The following VPS53 variants were observed in gnomAD, a reference collection of about 807,000 sequenced individuals.
VPS53 encodes vacuolar protein sorting-associated protein 53 homolog.
Under a neutral mutation model 107.0 loss-of-function variants are expected in VPS53, and 70 were observed. That is an observed-to-expected ratio of 0.65 (90% CI 0.54 to 0.80). The LOEUF (loss-of-function observed/expected upper bound fraction) is 0.80, where lower values mean the gene tolerates loss of function less well. Ranked by LOEUF, VPS53 falls within the 30% of genes least tolerant of loss-of-function variation. The pLI is 0.00. For synonymous variants in VPS53, 409 were observed against 393.3 expected (o/e 1.04, Z -0.47); for missense variants, 917 against 1,049.4 (o/e 0.87, Z 1.74).
Position 586,423 on chromosome 17 carries a change from A to T in VPS53, c.1219-59T>A, listed in dbSNP as rs1313686103. 5 of 1,526,320 alleles carry T rather than the reference A, an allele frequency of 3.3e-6. No homozygotes were observed. In the Admixed American group the frequency reaches 8.7e-5, roughly 26 times the overall value. The allele number at this position is 1,526,320 out of a possible 1,614,324, so 94.5% of individuals were successfully genotyped here. The stretch of plus-strand genomic sequence containing the variant: ...GAGTGATCTTTGCAAATGTTCAAGA[A>T]TTTTTTTAAAAACATCATTTCAAAG... On this transcript the variant is annotated intron_variant, in intron 12 of 21. Transcript: ENST00000437048.
In VPS53 at chr17:653,785, T is replaced by A. The variant is rs1005953714; in HGVS notation, c.489-375A>T. On this transcript the variant is annotated intron_variant, in intron 6 of 21. Coordinates refer to ENST00000437048, the MANE Select transcript of VPS53 (RefSeq NM_001128159.3). ...AATTTAGAATTTGGGTTGGATATTATGGGATTAGCAAGCTTGGGACAGAGA... is the reference window on the plus strand; with the variant it reads ...AATTTAGAATTTGGGTTGGATATTAAGGGATTAGCAAGCTTGGGACAGAGA... 5.3e-5 allele frequency among the ~76,000 whole-genome samples: 8 copies of A among 152,166 alleles called. No individual in the cohort carries two copies. In the East Asian group the frequency reaches 1.5e-3, roughly 29 times the overall value.
chr17:694,693 TTTTG>T (rs780565333), intron 4 of VPS53, among the ~76,000 whole-genome samples: 22 of 152,360 alleles, frequency 1.4e-4, no homozygotes, highest in Admixed American at 6.5e-4. Flanking sequence ...GATAAAATGT[TTTTG>T]TTTATTTATA....
chr17:628,148 GA>G lies in VPS53; in HGVS notation c.770del (p.Ile257ThrfsTer35). On this transcript the variant is annotated frameshift_variant, in exon 9 of 22. Transcript: ENST00000437048. LOFTEE classifies it high-confidence loss of function. ...ACAGATGCTGTTTAATAAACTTTTTGATGATTTCCTGTTTGATCCTGGGATC... is the reference window on the plus strand; with the variant it reads ...ACAGATGCTGTTTAATAAACTTTTTGTGATTTCCTGTTTGATCCTGGGATC... ...ILDPRIKQEIIKKFIKQHLSE... is the reference protein window; with the variant it reads ...ILDPRIKQEIXKKFIKQHLSE... 6.2e-7 allele frequency: 1 copy of G among 1,613,884 alleles called. No individual in the cohort carries two copies. The highest frequency in any genetic ancestry group is 8.5e-7 in the Non-Finnish European group (1 of 1,179,934).
chr17:602,038 A>G, intron 11 of VPS53, 142 bp from the exon 12 acceptor site: 1 of 500,650 alleles, frequency 2.0e-6, no homozygotes, highest in Non-Finnish European at 3.3e-6. Flanking sequence ...CCCAGACCAC[A>G]TTCTTGCCTC....
chr17:530,884 GC>G (rs1285205950), intron 19 of VPS53, among the ~76,000 whole-genome samples: 16 of 152,184 alleles, frequency 1.1e-4, no homozygotes, highest in Non-Finnish European at 4.4e-5. Context: ...AGAACAAAGA[GC>G]AGAAAAATGT....
chr17:691,383 C>T lies in VPS53; in HGVS notation c.285+6035G>A, dbSNP rs137928903. Among the ~76,000 whole-genome samples, 197 of 152,324 alleles carry T rather than the reference C, an allele frequency of 1.3e-3. 2 individuals carry two copies. The highest frequency in any genetic ancestry group is 4.5e-3 in the African/African-American group (187 of 41,574). On this transcript the variant is annotated intron_variant, in intron 4 of 21. Transcript: ENST00000437048. ...ACCAACAAAGTAGCAAGCTCCCCAT[C>T]ACTGAAAGTAGCCAAGCTTCTGCAA...
rs575735524 is a variant in VPS53 at position 512,258 on chromosome 17, T to A, written c.*6870A>T. 1.3e-5 allele frequency: 2 copies of A among 152,350 alleles called. No homozygotes were observed. The highest frequency in any genetic ancestry group is 4.8e-5 in the African/African-American group (2 of 41,580). 9.4% of individuals were successfully genotyped at this position (152,350 alleles called of 1,614,324 possible). A position where few individuals can be genotyped will look rare whatever the true frequency, so the allele number is the denominator to read the frequency against. On this transcript the variant is annotated 3_prime_UTR_variant, in exon 22 of 22. Coordinates refer to ENST00000437048, the MANE Select transcript of VPS53 (RefSeq NM_001128159.3). ...GATCACGAACACACTTCACACTGCC[T>A]TATGGCAGAGCAAGTGCATATAGCC...
At chr17:641,727 T>A (rs1970430602) in intron 7 of VPS53, among the ~76,000 whole-genome samples, 1 of 152,222 alleles carries the variant, frequency 6.6e-6, no homozygotes, top group Non-Finnish European at 1.5e-5. Flanking sequence ...AGTGCTAGGA[T>A]TACAGGCATG....
At chr17:644,673 TC>T (rs1258139676) in intron 7 of VPS53, among the ~76,000 whole-genome samples, 2 of 151,958 alleles carry the variant, frequency 1.3e-5, no homozygotes, top group Non-Finnish European at 2.9e-5. Context: ...AGCCTCCACT[TC>T]CGGAGCTCAA....
At chr17:624,573 T>C (rs1312359411) in intron 10 of VPS53, among the ~76,000 whole-genome samples, 1 of 152,232 alleles carries the variant, frequency 6.6e-6, no homozygotes, top group East Asian at 1.9e-4. Context: ...TATTTGAGAA[T>C]GATGTATCTG....
Position 520,036 on chromosome 17 carries a change from G to A in VPS53, c.2224-106C>T, listed in dbSNP as rs980989328. ...CTCACTACCCACCGCAGGAGGAGAC[G>A]GGAGCGGGCCCTTCAGGAAAACTCA... On this transcript the variant is annotated intron_variant, in intron 20 of 21. Coordinates refer to ENST00000437048, the MANE Select transcript of VPS53 (RefSeq NM_001128159.3). This position sits in a 1 kb window ranked among gnomAD's most constrained non-coding sequence, Gnocchi z 4.4. The A allele has an allele frequency of 1.4e-5, 10 of 738,408 alleles. No individual in the cohort carries two copies. Among genetic ancestry groups the A allele is most frequent in the African/African-American group, 1.8e-5 (1 of 56,596 alleles). The allele number at this position is 738,408 out of a possible 1,614,324, so 45.7% of individuals were successfully genotyped here.
intron 4 of VPS53, among the ~76,000 whole-genome samples, chr17:673,163 G>C (rs993922149): frequency 6.6e-6 from 1 of 150,950 alleles, no homozygotes; most frequent in Non-Finnish European, 1.5e-5. Flanking sequence ...GCATCATTTC[G>C]AAAGCCAGGA....
At chr17:677,834 A>G (rs1048852315) in intron 4 of VPS53, among the ~76,000 whole-genome samples, 1 of 152,156 alleles carries the variant, frequency 6.6e-6, no homozygotes, top group East Asian at 1.9e-4. Context: ...AAGAAAAAAA[A>G]CCAGGCCAGG....
At chr17:656,996 T>C (rs1400916922) in intron 5 of VPS53, 8 of 884,640 alleles carry the variant, frequency 9.0e-6, no homozygotes, top group East Asian at 4.8e-5. Context: ...CCTCTCTCTG[T>C]TGGGGATCAC....
chr17:558,821 TAAAA>T (rs35915328), intron 15 of VPS53, among the ~76,000 whole-genome samples: 1 of 135,038 alleles, frequency 7.4e-6, no homozygotes, highest in African/African-American at 2.7e-5. Flanking sequence ...CCATCTCTAC[TAAAA>T]AAAAAAAAAA....
At chr17:631,897 C>A (rs1969980441) in intron 7 of VPS53, among the ~76,000 whole-genome samples, 1 of 151,994 alleles carries the variant, frequency 6.6e-6, no homozygotes, top group South Asian at 2.1e-4. Flanking sequence ...AATCTTTATA[C>A]AGTTCCACTG....
At chr17:582,099 C>T (rs561198601) in intron 13 of VPS53, among the ~76,000 whole-genome samples, 4 of 147,774 alleles carry the variant, frequency 2.7e-5, no homozygotes, top group African/African-American at 5.0e-5. Context: ...AAACCTAATG[C>T]GTTCCCAGAA....
intron 4 of VPS53, among the ~76,000 whole-genome samples, chr17:690,610 C>G (rs1972744134): frequency 6.6e-6 from 1 of 152,250 alleles, no homozygotes; most frequent in African/African-American, 2.4e-5. Context: ...CTGCGGACAT[C>G]TGTTTGCGAC....
intron 4 of VPS53, among the ~76,000 whole-genome samples, chr17:693,310 A>G (rs1972838083): frequency 1.3e-5 from 2 of 152,214 alleles, no homozygotes; most frequent in African/African-American, 4.8e-5. Context: ...CCTAATTTGC[A>G]TGCTAAAATT....
Sources: gnomAD v4.1 joint callset for allele counts (sites outside exome capture counted in the v4.1 genomes callset) on GRCh38, gnomAD v4.1.1 for gene constraint, Gnocchi (gnomAD v3.1) non-coding constraint, MANE v1.5 for transcripts, NCBI Gene and HGNC (gene_info 2026-07-23, HGNC 2026-07-21) for gene names.